Variants in INPP5B observed in about 807,000 individuals in gnomAD.
INPP5B encodes type II inositol 1,4,5-trisphosphate 5-phosphatase.
Under a neutral mutation model 118.5 loss-of-function variants are expected in INPP5B, and 90 were observed. The ratio of observed to expected loss-of-function variants is 0.76; its 90% CI spans 0.64 to 0.90. INPP5B has a LOEUF of 0.90. Among genes scored for constraint, INPP5B ranks in the 40% least tolerant of loss-of-function variants. INPP5B has a pLI of 0.00. For missense variants in INPP5B, 984 were observed against 1,125.6 expected (o/e 0.87, Z 1.80); for synonymous variants, 385 against 418.9 (o/e 0.92, Z 0.99).
chr1:37,863,846 A>T, intron 23 of INPP5B, among the ~76,000 whole-genome samples: 1 of 127,890 alleles, frequency 7.8e-6, no homozygotes, highest in Admixed American at 8.9e-5. Flanking sequence ...ATGGAGTCTC[A>T]CTCTGTCGCC....
At chr1:37,942,549 GCAGA>G (rs1645971990) in intron 5 of INPP5B, among the ~76,000 whole-genome samples, 1 of 152,130 alleles carries the variant, frequency 6.6e-6, no homozygotes, top group Non-Finnish European at 1.5e-5. Flanking sequence ...GTATAGCAAA[GCAGA>G]CAGACATTAA....
intron 7 of INPP5B, among the ~76,000 whole-genome samples, chr1:37,927,267 G>A (rs1645264835): frequency 6.6e-6 from 1 of 152,038 alleles, no homozygotes; most frequent in Non-Finnish European, 1.5e-5. Flanking sequence ...TGCACTCCTA[G>A]CCTGGTGACA....
At chr1:37,899,478 C>T (rs1483251783) in intron 7 of INPP5B, among the ~76,000 whole-genome samples, 2 of 151,782 alleles carry the variant, frequency 1.3e-5, no homozygotes, top group Admixed American at 6.6e-5. Flanking sequence ...AAGAAAATCG[C>T]TTGAACCTGG....
intron 7 of INPP5B, among the ~76,000 whole-genome samples, chr1:37,922,659 G>A (rs1020300558): frequency 2.0e-5 from 3 of 152,174 alleles, no homozygotes; most frequent in African/African-American, 7.2e-5. Flanking sequence ...TCGCACCACT[G>A]CAGTCCAGCC....
chr1:37,869,144 C>T (rs940583772), intron 19 of INPP5B, among the ~76,000 whole-genome samples: 4 of 152,128 alleles, frequency 2.6e-5, no homozygotes, highest in African/African-American at 9.7e-5. Context: ...AGGCGTGTGC[C>T]ATCACGCCCG....
intron 7 of INPP5B, among the ~76,000 whole-genome samples, chr1:37,900,127 G>T (rs1465391516): frequency 6.7e-6 from 1 of 148,696 alleles, no homozygotes; most frequent in African/African-American, 2.5e-5. Context: ...TGTCACCCAG[G>T]CTAGAGTGCA....
chr1:37,906,438 T>A (rs900206590), intron 7 of INPP5B, among the ~76,000 whole-genome samples: 5 of 152,202 alleles, frequency 3.3e-5, no homozygotes, highest in Middle Eastern at 3.2e-3. Flanking sequence ...TGTAAAAAAA[T>A]ATTTATTCTT....
At chr1:37,899,300 C>A (rs1190748925) in intron 7 of INPP5B, among the ~76,000 whole-genome samples, 2 of 151,946 alleles carry the variant, frequency 1.3e-5, no homozygotes, top group Non-Finnish European at 2.9e-5. Context: ...GTGGCTCACA[C>A]CTGTAATCCC....
intron 7 of INPP5B, among the ~76,000 whole-genome samples, chr1:37,900,743 C>T (rs1296094288): frequency 2.6e-5 from 4 of 151,360 alleles, no homozygotes; most frequent in Non-Finnish European, 5.9e-5. Flanking sequence ...ATTCTCATAC[C>T]TCAGCCTCCC....
chr1:37,884,602 G>A (rs2148502188), intron 13 of INPP5B, among the ~76,000 whole-genome samples: 1 of 151,906 alleles, frequency 6.6e-6, no homozygotes, highest in African/African-American at 2.4e-5. Flanking sequence ...TCTTATTTCT[G>A]GCTGCTATAC....
intron 19 of INPP5B, among the ~76,000 whole-genome samples, chr1:37,872,311 G>A (rs1030742722): frequency 2.0e-5 from 3 of 149,110 alleles, no homozygotes; most frequent in Non-Finnish European, 3.0e-5. Context: ...CAGAGGTTAC[G>A]GTGAGCCAAG....
intron 16 of INPP5B, among the ~76,000 whole-genome samples, chr1:37,876,303 G>T (rs1266269793): frequency 6.6e-6 from 1 of 151,322 alleles, no homozygotes; most frequent in Non-Finnish European, 1.5e-5. Flanking sequence ...GAGGGGTTTT[G>T]CCATGTTGCC....
At chr1:37,897,605 G>A (rs1018936993) in intron 7 of INPP5B, among the ~76,000 whole-genome samples, 3 of 150,502 alleles carry the variant, frequency 2.0e-5, no homozygotes, top group Non-Finnish European at 3.0e-5. Context: ...GCGGAAGGCC[G>A]AAGGGTCCTC....
chr1:37,898,253 T>C (rs1484969842), intron 7 of INPP5B, among the ~76,000 whole-genome samples: 1 of 152,122 alleles, frequency 6.6e-6, no homozygotes, highest in African/African-American at 2.4e-5. Flanking sequence ...AGATCAATGG[T>C]TGCCAGGGGT....
intron 12 of INPP5B, 45 bp from the exon 13 acceptor site, chr1:37,885,870 G>A: frequency 1.3e-6 from 2 of 1,572,730 alleles, no homozygotes; most frequent in Non-Finnish European, 8.7e-7. Flanking sequence ...ACTTAATTGT[G>A]TCAGTCACTT....
intron 7 of INPP5B, among the ~76,000 whole-genome samples, chr1:37,898,131 GA>G (rs1397306659): frequency 1.3e-5 from 2 of 152,198 alleles, no homozygotes; most frequent in Non-Finnish European, 2.9e-5. Context: ...ATACATGAAT[GA>G]ATCTTAAATG....
chr1:37,886,742 G>T (rs941412725), intron 12 of INPP5B, 146 bp downstream of exon 12: 2 of 666,726 alleles, frequency 3.0e-6, no homozygotes, highest in East Asian at 5.1e-5. Context: ...TAGTTTGCTC[G>T]ACTGAGCCCT....
intron 16 of INPP5B, among the ~76,000 whole-genome samples, chr1:37,876,555 A>G (rs1488601431): frequency 7.1e-6 from 1 of 141,480 alleles, no homozygotes; most frequent in Non-Finnish European, 1.6e-5. Context: ...GTCTCTTTAA[A>G]AAAAAAAAAA....
chr1:37,867,216 C>T (rs1016711536), intron 20 of INPP5B, among the ~76,000 whole-genome samples: 1 of 152,066 alleles, frequency 6.6e-6, no homozygotes, highest in Admixed American at 6.5e-5. Flanking sequence ...GGTGACAGAG[C>T]GAGACTCCAT....
Sources: gnomAD v4.1 joint callset for allele counts (sites outside exome capture counted in the v4.1 genomes callset) on GRCh38, gnomAD v4.1.1 for gene constraint, MANE v1.5 for transcripts, NCBI Gene and HGNC (gene_info 2026-07-23, HGNC 2026-07-21) for gene names.